Variants in GOLGA4 observed in about 807,000 individuals in gnomAD.
GOLGA4 encodes the protein golgin subfamily A member 4.
In GOLGA4, 169 loss-of-function variants were observed where a neutral mutation model predicts 265.9. The ratio of observed to expected loss-of-function variants is 0.64; its 90% CI spans 0.56 to 0.72. The LOEUF (loss-of-function observed/expected upper bound fraction) is 0.72. GOLGA4 is among the 30% of genes least tolerant of loss of function. The pLI is 0.00. For missense variants in GOLGA4, 2,482 were observed against 2,483.4 expected, an observed-to-expected ratio of 1.00 and a Z score of 0.01; for synonymous variants, 923 against 855.8, an observed-to-expected ratio of 1.08 and a Z score of -1.37.
intron 22 of GOLGA4, among the ~76,000 whole-genome samples, chr3:37,357,969 A>G (rs549623789): frequency 6.6e-6 from 1 of 152,304 alleles, no homozygotes; most frequent in East Asian, 1.9e-4. Context: ...CTGTGCAGCT[A>G]TGGTTTCACT....
intron 2 of GOLGA4, among the ~76,000 whole-genome samples, chr3:37,263,742 C>T (rs940685240): frequency 6.6e-5 from 10 of 152,106 alleles, no homozygotes; most frequent in African/African-American, 9.7e-5. Context: ...TGAAAGCCTT[C>T]GACGCATATC....
Position 37,326,615 on chromosome 3 carries a change from G to C in GOLGA4, c.4729G>C (p.Asp1577His), listed in dbSNP as rs1354919535. ...QHFQELGEEKDNRVKEAEEKI... is the reference protein window; with the variant it reads ...QHFQELGEEKHNRVKEAEEKI... ...TTTTCAAGAGTTAGGAGAAGAAAAG[G>C]ACAACAGGGTTAAAGAAGCTGAAGA... Residue 1577 changes from aspartate to histidine, a missense_variant, in exon 14 of 24, where the codon GAC becomes CAC. Physicochemically the swap from Asp to His is moderately conservative, Grantham distance 81 (BLOSUM62 -1). Transcript: ENST00000361924. 1 of 1,613,266 alleles carries C rather than the reference G, an allele frequency of 6.2e-7. No individual in the cohort carries two copies. Among genetic ancestry groups the C allele is most frequent in the Non-Finnish European group, 8.5e-7 (1 of 1,179,632 alleles).
At chr3:37,347,669 G>T (rs1185028931) in intron 21 of GOLGA4, among the ~76,000 whole-genome samples, 1 of 151,970 alleles carries the variant, frequency 6.6e-6, no homozygotes, top group Non-Finnish European at 1.5e-5. Flanking sequence ...ATTGGAAATA[G>T]TCATAATTAT....
intron 13 of GOLGA4, among the ~76,000 whole-genome samples, chr3:37,322,671 C>A (rs1480604568): frequency 2.0e-5 from 3 of 152,250 alleles, no homozygotes; most frequent in Middle Eastern, 3.4e-3. Flanking sequence ...TCACCTGTCA[C>A]ATGAAGAGAT....
chr3:37,335,299 C>A, intron 17 of GOLGA4, 133 bp downstream of exon 17: 1 of 575,278 alleles, frequency 1.7e-6, no homozygotes, highest in East Asian at 2.9e-5. Context: ...TTTTTACCTC[C>A]GTTTTATAGA....
At chr3:37,265,394 A>G (rs900895967) in intron 2 of GOLGA4, among the ~76,000 whole-genome samples, 13 of 152,234 alleles carry the variant, frequency 8.5e-5, no homozygotes. Context: ...GAGAAAAATA[A>G]TGTGGTATGT....
At position 37,246,004 on chromosome 3, in the gene GOLGA4, A is replaced by G. The variant is rs547009002; in HGVS notation, c.72+2382A>G. Among the ~76,000 whole-genome samples the G allele has an allele frequency of 7.9e-5, 12 of 152,228 alleles. No homozygotes were observed. The East Asian group carries it at 1.2e-3, about 15-fold the overall frequency. Reference sequence around the variant, plus strand: ...GTGGCCTTACGCCTGTAATCCCAGCACTTTGAATCGCTTGAACTCAGTAGT... The same window carrying G: ...GTGGCCTTACGCCTGTAATCCCAGCGCTTTGAATCGCTTGAACTCAGTAGT... On this transcript the variant is annotated intron_variant, in intron 1 of 23. Transcript: ENST00000361924.
chr3:37,325,559 G>A lies in GOLGA4; in HGVS notation c.3673G>A (p.Glu1225Lys), dbSNP rs1462470619. 16 of 1,613,334 alleles carry A rather than the reference G, an allele frequency of 9.9e-6. No individual in the cohort carries two copies. The highest frequency in any genetic ancestry group is 1.7e-5 in the Admixed American group (1 of 59,942). The change falls in exon 14 of 24, where the codon GAA (glutamate) becomes AAA (lysine). Residue 1225 changes from glutamate (E) to lysine (K), a missense_variant. This residue lies in a region of GOLGA4 where 1,536 missense variants were observed against 1,483.7 expected (regional missense o/e 1.04). Transcript: ENST00000361924. ...IQLDICCKKT[E>K]ALLEAKTNEL... Reference sequence around the variant, plus strand: ...GCTAGATATTTGCTGTAAGAAAACCGAAGCCTTATTAGAAGCTAAAACAAA... The same window carrying A: ...GCTAGATATTTGCTGTAAGAAAACCAAAGCCTTATTAGAAGCTAAAACAAA...
At chr3:37,332,779 AT>A (rs2096995285) in intron 16 of GOLGA4, among the ~76,000 whole-genome samples, 2 of 152,018 alleles carry the variant, frequency 1.3e-5, no homozygotes, top group East Asian at 1.9e-4. Context: ...CTTATTTTTT[AT>A]TTTTTTCCCC....
Position 37,324,864 on chromosome 3 carries a change from G to C in GOLGA4, c.2978G>C (p.Ser993Thr). 2 of 1,594,928 alleles carry C rather than the reference G, an allele frequency of 1.3e-6. No homozygotes were observed. The highest frequency in any genetic ancestry group is 2.3e-5 in the South Asian group (2 of 86,874). ...KELENTALELSQKEKQFNAKM... is the reference protein window; with the variant it reads ...KELENTALELTQKEKQFNAKM... Reference sequence around the variant, plus strand: ...CTTGAAAATACTGCTCTAGAGCTTAGTCAGAAAGAAAAACAGTTTAATGCC... The same window carrying C: ...CTTGAAAATACTGCTCTAGAGCTTACTCAGAAAGAAAAACAGTTTAATGCC... Residue 993 changes from serine to threonine, a missense_variant, in exon 14 of 24, where the codon AGT (serine) becomes ACT (threonine). By Grantham distance (58) the Ser-to-Thr change is moderately conservative. Transcript: ENST00000361924.
At position 37,319,048 on chromosome 3, in the gene GOLGA4, T is replaced by G. The variant is rs1017308159; in HGVS notation, c.1414-15T>G. The stretch of plus-strand genomic sequence containing the variant: ...TTCTGGGTGTCCTTATATTATCTAT[T>G]TGGCTCATTTTCAGAAATCCTCAGA... On this transcript the variant is annotated splice_polypyrimidine_tract_variant and intron_variant, in intron 11 of 23. Transcript: ENST00000361924. 2.6e-6 allele frequency: 4 copies of G among 1,567,334 alleles called. No individual in the cohort carries two copies. In the African/African-American group the frequency reaches 5.5e-5, roughly 22 times the overall value.
In GOLGA4 at chr3:37,326,045, A is replaced by G; in HGVS notation, c.4159A>G (p.Ile1387Val). The G allele has an allele frequency of 6.2e-7, 1 of 1,613,416 alleles. No homozygotes were observed. Among genetic ancestry groups the G allele is most frequent in the Non-Finnish European group, 8.5e-7 (1 of 1,179,460 alleles). The change falls in exon 14 of 24, where the codon ATC (isoleucine) becomes GTC (valine). Residue 1387 changes from isoleucine to valine, a missense_variant. By Grantham distance (29) the Ile-to-Val change is conservative. Coordinates refer to ENST00000361924, the MANE Select transcript of GOLGA4 (RefSeq NM_002078.5). ...TDLNVQLQNS[I>V]SLSEKEAAIS... ...TTTGAATGTTCAGCTTCAAAATAGC[A>G]TCAGCCTATCCGAAAAAGAAGCAGC...
intron 18 of GOLGA4, 50 bp from the exon 19 acceptor site, chr3:37,337,616 G>T (rs752074438): frequency 8.1e-7 from 1 of 1,228,500 alleles, no homozygotes; most frequent in Non-Finnish European, 1.2e-6. Context: ...ATGTGTCTGG[G>T]CAATAATGAA....
intron 10 of GOLGA4, among the ~76,000 whole-genome samples, chr3:37,314,722 G>T (rs995821490): frequency 3.3e-5 from 5 of 150,440 alleles, no homozygotes; most frequent in African/African-American, 9.8e-5. Flanking sequence ...GATTATTTTT[G>T]CAGAGCCTGA....
intron 21 of GOLGA4, among the ~76,000 whole-genome samples, chr3:37,350,260 G>A (rs2097069769): frequency 6.6e-6 from 1 of 152,160 alleles, no homozygotes; most frequent in Non-Finnish European, 1.5e-5. Context: ...TGGCAAGCCA[G>A]GGATGAGCTT....
intron 2 of GOLGA4, among the ~76,000 whole-genome samples, chr3:37,275,224 A>G (rs2096812079): frequency 6.7e-6 from 1 of 148,582 alleles, no homozygotes; most frequent in African/African-American, 2.5e-5. Context: ...TCAAAAAAAA[A>G]AAAAAAAAAA....
At chr3:37,346,713 A>G (rs967607096) in intron 20 of GOLGA4, among the ~76,000 whole-genome samples, 5 of 152,114 alleles carry the variant, frequency 3.3e-5, no homozygotes, top group African/African-American at 7.2e-5. Flanking sequence ...CTATGTTACA[A>G]AGTTTTAAAA....
intron 1 of GOLGA4, among the ~76,000 whole-genome samples, chr3:37,244,365 G>A (rs1029445887): frequency 6.6e-6 from 1 of 152,212 alleles, no homozygotes; most frequent in Non-Finnish European, 1.5e-5. Context: ...GGTTATGCTT[G>A]TTTTTCAGGA....
At chr3:37,362,922 A>AGGG (rs1221907339) in intron 23 of GOLGA4, among the ~76,000 whole-genome samples, 1 of 151,220 alleles carries the variant, frequency 6.6e-6, no homozygotes, top group Non-Finnish European at 1.5e-5. Context: ...AGCTGGGACT[A>AGGG]CAGGTACCCG....
Sources: allele counts gnomAD v4.1 joint callset (sites outside exome capture counted in the v4.1 genomes callset), GRCh38; gene constraint gnomAD v4.1.1; regional missense constraint gnomAD v4.1.1; transcripts MANE v1.5; gene names NCBI Gene and HGNC (gene_info 2026-07-23, HGNC 2026-07-21).